Variants in CCSER1 observed in about 807,000 individuals in gnomAD.
CCSER1 encodes coiled-coil serine rich protein 1.
A neutral mutation model predicts 82.0 loss-of-function variants in CCSER1; 41 were observed. The ratio of observed to expected loss-of-function variants is 0.50; its 90% CI spans 0.39 to 0.65. CCSER1 has a LOEUF of 0.65. Among genes scored for constraint, CCSER1 ranks in the 30% least tolerant of loss-of-function variants. The pLI, the probability that CCSER1 is intolerant of heterozygous loss-of-function variation, is 0.00. For synonymous variants in CCSER1, 414 were observed against 383.9 expected (o/e 1.08, Z -0.92); for missense variants, 1,119 against 1,064.2 (o/e 1.05, Z -0.72).
At chr4:90,154,311 G>C (rs182071213) in intron 1 of CCSER1, among the ~76,000 whole-genome samples, 1 of 152,178 alleles carries the variant, frequency 6.6e-6, no homozygotes, top group Non-Finnish European at 1.5e-5. Context: ...GTCAGGTAGC[G>C]TGACGCCTCC....
rs1369333115 is a variant in CCSER1, at chr4:91,598,910, G to A, written c.2556G>A (p.Thr852=). ...FLEKPKDQVA[T]ARQHSTFTGR... is the part of the protein sequence containing the mutation. ...AGAAACCAAAGGACCAAGTTGCTAC[G>A]GCCCGACAGCATTCGACCTTTACAG... The change falls in exon 11 of 11, where the codon ACG becomes ACA. Residue 852 remains threonine, a synonymous_variant. Coordinates refer to ENST00000509176, the MANE Select transcript of CCSER1 (RefSeq NM_001145065.2). 8.4e-6 allele frequency: 13 copies of A among 1,551,456 alleles called. No homozygotes were observed. Among genetic ancestry groups the A allele is most frequent in the African/African-American group, 8.2e-5 (6 of 73,034 alleles).
intron 1 of CCSER1, among the ~76,000 whole-genome samples, chr4:90,279,854 G>A (rs1728566675): frequency 6.6e-6 from 1 of 151,948 alleles, no homozygotes; most frequent in African/African-American, 2.4e-5. Context: ...AATGAAAATT[G>A]TATATTTTGA....
Position 90,794,136 on chromosome 4 carries a change from T to C in CCSER1, c.2011-21626T>C, listed in dbSNP as rs139804273. On this transcript the variant is annotated intron_variant, in intron 7 of 10. Coordinates refer to ENST00000509176, the MANE Select transcript of CCSER1 (RefSeq NM_001145065.2). ...TTGTCTGTTTACTCTGTTGATACTT[T>C]CTTTTACTATGCAGAAGGTCTTTTG... Among the ~76,000 whole-genome samples, 71 of 152,346 alleles carry C rather than the reference T, an allele frequency of 4.7e-4. 1 individual carries two copies. In the East Asian group the frequency reaches 0.012, roughly 25 times the overall value.
intron 8 of CCSER1, among the ~76,000 whole-genome samples, chr4:90,871,792 G>A (rs78955784): frequency 1.4e-4 from 21 of 151,896 alleles, no homozygotes; most frequent in Non-Finnish European, 2.8e-4. Flanking sequence ...CTGCATTGGA[G>A]TCTATCTCTC....
chr4:91,040,977 G>T (rs1333894747), intron 9 of CCSER1, among the ~76,000 whole-genome samples: 1 of 152,094 alleles, frequency 6.6e-6, no homozygotes, highest in African/African-American at 2.4e-5. Context: ...GACTGTGTTT[G>T]TTACAAATCT....
Position 91,602,262 on chromosome 4 carries a change from T to A in CCSER1, c.*3205T>A, listed in dbSNP as rs1764842136. 6.6e-6 allele frequency among the ~76,000 whole-genome samples: 1 copy of A among 152,076 alleles called. No homozygotes were observed. Among genetic ancestry groups the A allele is most frequent in the African/African-American group, 2.4e-5 (1 of 41,440 alleles). On this transcript the variant is annotated 3_prime_UTR_variant, in exon 11 of 11. Coordinates refer to ENST00000509176, the MANE Select transcript of CCSER1 (RefSeq NM_001145065.2). ...GGTTTATGATTTAATCCTAACTCAT[T>A]GTCATTATTTCCTGAATGTTGAACT...
At chr4:90,780,717 G>T in intron 7 of CCSER1, 1 of 1,297,014 alleles carries the variant, frequency 7.7e-7, no homozygotes, top group Non-Finnish European at 9.7e-7. Flanking sequence ...AGGCCTCCTT[G>T]CTCCAAGAAT....
intron 8 of CCSER1, among the ~76,000 whole-genome samples, chr4:90,894,541 A>G (rs556121788): frequency 6.6e-6 from 1 of 151,876 alleles, no homozygotes; most frequent in African/African-American, 2.4e-5. Flanking sequence ...AACATTGACT[A>G]TATAGTCTAT....
intron 10 of CCSER1, among the ~76,000 whole-genome samples, chr4:91,257,472 TACACACACAC>T (rs34423543): frequency 2.1e-4 from 31 of 149,000 alleles, no homozygotes; most frequent in Middle Eastern, 3.5e-3. Context: ...AATACATACC[TACACACACAC>T]ACACACACAC....
chr4:90,609,204 ATGT>A (rs550351778), intron 5 of CCSER1, among the ~76,000 whole-genome samples: 128 of 152,104 alleles, frequency 8.4e-4, no homozygotes, highest in Non-Finnish European at 1.7e-3. Flanking sequence ...GATAATAAAA[ATGT>A]TGTGAATAGA....
Position 90,308,633 on chromosome 4 carries a change from G to T in CCSER1, c.349G>T (p.Val117Phe). The T allele has an allele frequency of 1.2e-6, 2 of 1,613,788 alleles. No homozygotes were observed. ...EHIKTRGRHS[V>F]GFSSSRNKKI... is the part of the protein sequence containing the mutation. ...TATTAAGACCAGGGGAAGACATTCT[G>T]TTGGTTTTAGTAGTTCACGAAATAA... The change falls in exon 2 of 11, where the codon GTT becomes TTT. Residue 117 changes from valine (V) to phenylalanine (F), a missense_variant. By Grantham distance (50) the Val-to-Phe change is conservative (BLOSUM62 -1). Transcript: ENST00000509176.
At chr4:91,346,681 A>C (rs1202928358) in intron 10 of CCSER1, among the ~76,000 whole-genome samples, 1 of 152,174 alleles carries the variant, frequency 6.6e-6, no homozygotes, top group East Asian at 1.9e-4. Flanking sequence ...CATCATTCTC[A>C]CAGGTTTAAA....
chr4:90,653,677 C>A lies in CCSER1; in HGVS notation c.1932+25445C>A, dbSNP rs558887081. Among the ~76,000 whole-genome samples the A allele has an allele frequency of 1.9e-4, 29 of 152,184 alleles. No homozygotes were observed. In the East Asian group the frequency reaches 4.8e-3, roughly 25 times the overall value. On this transcript the variant is annotated intron_variant, in intron 6 of 10. Coordinates refer to ENST00000509176, the MANE Select transcript of CCSER1 (RefSeq NM_001145065.2). ...TTCCTATTTTATATAACTTGAGGCACCTTGATGCTTCATTTTTCACAAATT... is the reference window on the plus strand; with the variant it reads ...TTCCTATTTTATATAACTTGAGGCAACTTGATGCTTCATTTTTCACAAATT...
intron 8 of CCSER1, among the ~76,000 whole-genome samples, chr4:90,840,785 C>A (rs1172120078): frequency 6.6e-6 from 1 of 151,754 alleles, no homozygotes; most frequent in Non-Finnish European, 1.5e-5. Flanking sequence ...ACCTTGTATG[C>A]AAGTCACTGT....
chr4:90,204,763 A>C (rs1738461099), intron 1 of CCSER1, among the ~76,000 whole-genome samples: 1 of 152,192 alleles, frequency 6.6e-6, no homozygotes, highest in South Asian at 2.1e-4. Context: ...GATAGCATTG[A>C]ATCTATAAAT....
chr4:90,500,805 T>G (rs1769751600), intron 5 of CCSER1, among the ~76,000 whole-genome samples: 1 of 152,116 alleles, frequency 6.6e-6, no homozygotes, highest in African/African-American at 2.4e-5. Context: ...TGCTATGTGA[T>G]TTCGAAATTA....
At chr4:90,406,944 G>A (rs538647266) in intron 4 of CCSER1, among the ~76,000 whole-genome samples, 5 of 151,938 alleles carry the variant, frequency 3.3e-5, no homozygotes, top group East Asian at 1.9e-4. Context: ...CACACCTCAC[G>A]GAACTGGAGA....
At chr4:91,528,082 CT>C (rs1760852524) in intron 10 of CCSER1, among the ~76,000 whole-genome samples, 1 of 151,838 alleles carries the variant, frequency 6.6e-6, no homozygotes, top group Non-Finnish European at 1.5e-5. Flanking sequence ...TTCCAGCTAA[CT>C]TTTTTTGTAG....
At chr4:90,653,567 C>A (rs924791451) in intron 6 of CCSER1, among the ~76,000 whole-genome samples, 1 of 151,948 alleles carries the variant, frequency 6.6e-6, no homozygotes, top group Admixed American at 6.6e-5. Context: ...GGTGTACATT[C>A]GTAAGTGTGA....
Sources: allele counts gnomAD v4.1 joint callset (sites outside exome capture counted in the v4.1 genomes callset), GRCh38; gene constraint gnomAD v4.1.1; transcripts MANE v1.5; gene names NCBI Gene and HGNC (gene_info 2026-07-23, HGNC 2026-07-21).